The following FCHSD2 variants were observed in gnomAD, a reference collection of about 807,000 sequenced individuals.
FCHSD2 encodes the protein FCH and double SH3 domains 2.
Under a neutral mutation model 108.1 loss-of-function variants are expected in FCHSD2, and 38 were observed. The ratio of observed to expected loss-of-function variants is 0.35; its 90% confidence interval spans 0.27 to 0.46. FCHSD2 has a LOEUF of 0.46. Ranked by LOEUF, FCHSD2 falls within the 20% of genes least tolerant of loss-of-function variation. FCHSD2 has a pLI of 1.00. For missense variants in FCHSD2, 751 were observed against 897.8 expected (o/e 0.84, Z 2.09); for synonymous variants, 279 against 314.7 (o/e 0.89, Z 1.20).
At chr11:73,100,328 C>T (rs1463071463) in intron 2 of FCHSD2, among the ~76,000 whole-genome samples, 1 of 139,264 alleles carries the variant, frequency 7.2e-6, no homozygotes, top group East Asian at 2.1e-4. Flanking sequence ...AAGCGCTTTA[C>T]ATGCTTTTGT....
chr11:73,034,361 C>T (rs1026595283), intron 3 of FCHSD2, among the ~76,000 whole-genome samples: 1 of 152,216 alleles, frequency 6.6e-6, no homozygotes, highest in Non-Finnish European at 1.5e-5. Context: ...CTCATGTAGC[C>T]TGTCTGATTT....
chr11:72,965,475 C>G (rs368024554), intron 8 of FCHSD2, among the ~76,000 whole-genome samples: 16 of 152,156 alleles, frequency 1.1e-4, no homozygotes, highest in African/African-American at 3.6e-4. Context: ...TCTATAAAGC[C>G]TTTTGTGACT....
chr11:72,849,965 C>G, intron 13 of FCHSD2, 76 bp from the exon 14 acceptor site: 1 of 1,163,030 alleles, frequency 8.6e-7, no homozygotes, highest in Non-Finnish European at 1.3e-6. Flanking sequence ...ACACTTAAAA[C>G]CTGATTGTTT....
intron 3 of FCHSD2, among the ~76,000 whole-genome samples, chr11:73,054,546 C>T (rs932388528): frequency 6.6e-6 from 1 of 150,406 alleles, no homozygotes; most frequent in African/African-American, 2.5e-5. Context: ...GGGGAAGAAG[C>T]ACTAAATCTG....
intron 8 of FCHSD2, among the ~76,000 whole-genome samples, chr11:72,958,350 T>G (rs977625833): frequency 6.6e-5 from 10 of 152,010 alleles, no homozygotes; most frequent in African/African-American, 2.4e-4. Flanking sequence ...AAACTCTGTC[T>G]CTATCAAAAA....
intron 8 of FCHSD2, among the ~76,000 whole-genome samples, chr11:72,934,331 CTT>C (rs1235013217): frequency 4.5e-5 from 6 of 133,056 alleles, no homozygotes; most frequent in Admixed American, 1.5e-4. Context: ...AGAGCCATGC[CTT>C]TTTTTTTTTT....
intron 8 of FCHSD2, among the ~76,000 whole-genome samples, chr11:72,942,584 G>A (rs889825449): frequency 2.0e-5 from 3 of 152,120 alleles, no homozygotes; most frequent in African/African-American, 7.2e-5. Flanking sequence ...GTTACAATGT[G>A]AAGTTATTTT....
At chr11:72,886,479 T>C (rs902933524) in intron 12 of FCHSD2, among the ~76,000 whole-genome samples, 2 of 152,212 alleles carry the variant, frequency 1.3e-5, no homozygotes, top group African/African-American at 4.8e-5. Flanking sequence ...TCTTCAACTA[T>C]ACTTAATGCA....
intron 2 of FCHSD2, among the ~76,000 whole-genome samples, chr11:73,126,138 G>A (rs1383085167): frequency 2.0e-5 from 3 of 151,614 alleles, no homozygotes; most frequent in East Asian, 1.9e-4. Context: ...TCAGAAGTTC[G>A]AGACCAGGCT....
chr11:73,086,676 A>C (rs1859824561), intron 2 of FCHSD2, among the ~76,000 whole-genome samples: 1 of 152,316 alleles, frequency 6.6e-6, no homozygotes, highest in South Asian at 2.1e-4. Flanking sequence ...AAGGGAAAAC[A>C]CTAATTACCA....
intron 3 of FCHSD2, among the ~76,000 whole-genome samples, chr11:73,031,640 C>A (rs552280569): frequency 1.3e-5 from 2 of 152,316 alleles, no homozygotes; most frequent in African/African-American, 2.4e-5. Flanking sequence ...CTATTAGAAT[C>A]TGACCAACAA....
At chr11:73,026,399 C>A (rs1246282368) in intron 3 of FCHSD2, among the ~76,000 whole-genome samples, 1 of 152,164 alleles carries the variant, frequency 6.6e-6, no homozygotes, top group African/African-American at 2.4e-5. Context: ...CTGACTGAGA[C>A]AATGGATGCT....
intron 9 of FCHSD2, among the ~76,000 whole-genome samples, chr11:72,915,196 T>A (rs1591394857): frequency 6.6e-6 from 1 of 152,078 alleles, no homozygotes; most frequent in East Asian, 1.9e-4. Flanking sequence ...CACCATGAGA[T>A]ACCATCTCAC....
intron 9 of FCHSD2, among the ~76,000 whole-genome samples, chr11:72,906,817 G>T (rs968101019): frequency 1.3e-5 from 2 of 152,178 alleles, no homozygotes; most frequent in Non-Finnish European, 2.9e-5. Flanking sequence ...TGCTGTTTTG[G>T]TTACTGTAGC....
chr11:72,978,932 C>T (rs1449000671), intron 8 of FCHSD2, among the ~76,000 whole-genome samples: 1 of 147,968 alleles, frequency 6.8e-6, no homozygotes, highest in Admixed American at 6.9e-5. Flanking sequence ...TCTCAGCTCA[C>T]TGCAACCTCC....
rs200269084 is a variant in FCHSD2, at chr11:72,978,216, C to T, written c.705+5872G>A. On this transcript the variant is annotated intron_variant, in intron 8 of 19. Coordinates refer to ENST00000409418, the MANE Select transcript of FCHSD2 (RefSeq NM_014824.3). ...TAGGAGATATACCTAATGTAAATGA[C>T]GAGTTAATGGGTACAGCACACCACA... 1.8e-4 allele frequency among the ~76,000 whole-genome samples: 28 copies of T among 151,892 alleles called. 2 individuals carry two copies. The East Asian group carries it at 2.5e-3, about 14-fold the overall frequency.
intron 3 of FCHSD2, among the ~76,000 whole-genome samples, chr11:73,023,785 A>C (rs529120593): frequency 1.3e-5 from 2 of 152,346 alleles, no homozygotes; most frequent in African/African-American, 4.8e-5. Context: ...TGGATAAACA[A>C]ACTGTGGTAC....
chr11:73,116,011 A>T (rs1860592999), intron 2 of FCHSD2, among the ~76,000 whole-genome samples: 1 of 152,228 alleles, frequency 6.6e-6, no homozygotes, highest in Non-Finnish European at 1.5e-5. Context: ...CCACGAGTTT[A>T]ATGAGAAGAC....
intron 2 of FCHSD2, among the ~76,000 whole-genome samples, chr11:73,118,236 T>C (rs757084865): frequency 6.6e-6 from 1 of 152,172 alleles, no homozygotes; most frequent in Non-Finnish European, 1.5e-5. Context: ...GGAAAATTGC[T>C]TGGACTCAGC....
Sources: allele counts gnomAD v4.1 joint callset (sites outside exome capture counted in the v4.1 genomes callset), GRCh38; gene constraint gnomAD v4.1.1; transcripts MANE v1.5; gene names NCBI Gene and HGNC (gene_info 2026-07-23, HGNC 2026-07-21).